Variants in PTPRF observed in about 807,000 individuals in gnomAD.
The protein encoded by PTPRF is protein tyrosine phosphatase receptor type F.
PTPRF carries 59 observed loss-of-function variants against 201.8 expected under a neutral mutation model. The ratio of observed to expected loss-of-function variants is 0.29; its 90% CI spans 0.24 to 0.36. PTPRF has a LOEUF of 0.36. Among genes scored for constraint, PTPRF ranks in the 10% least tolerant of loss-of-function variants. The pLI is 1.00. For missense variants in PTPRF, 2,132 were observed against 2,690.5 expected (o/e 0.79, Z 4.59); for synonymous variants, 1,088 against 1,089.7 (o/e 1.00, Z 0.03).
At chr1:43,613,078 G>A in intron 22 of PTPRF, 1 of 354,160 alleles carries the variant, frequency 2.8e-6, no homozygotes, top group South Asian at 2.2e-5. Context: ...CCTTCTGCGT[G>A]CCTCTACCTC....
rs138867918 is a variant in PTPRF, at chr1:43,560,393, A to G, written c.379+6452A>G. 2.4e-3 allele frequency among the ~76,000 whole-genome samples: 361 copies of G among 150,888 alleles called. 2 individuals are homozygous for G. The highest frequency in any genetic ancestry group is 7.9e-3 in the African/African-American group (323 of 41,042). On this transcript the variant is annotated intron_variant, in intron 5 of 33. Coordinates refer to ENST00000359947, the MANE Select transcript of PTPRF (RefSeq NM_002840.5). Reference sequence around the variant, plus strand: ...TAGTGTATGTGTGTTGATGTCAGACAATGCATGTGCATGTGTGTGGAGTGC... The same window carrying G: ...TAGTGTATGTGTGTTGATGTCAGACGATGCATGTGCATGTGTGTGGAGTGC...
chr1:43,540,596 A>T (rs1337142289), intron 2 of PTPRF, among the ~76,000 whole-genome samples: 2 of 151,870 alleles, frequency 1.3e-5, no homozygotes, highest in Non-Finnish European at 2.9e-5. Flanking sequence ...TCTCCTGCTG[A>T]CCCTTTGCCG....
At chr1:43,532,839 C>T (rs1643733017) in intron 1 of PTPRF, among the ~76,000 whole-genome samples, 1 of 152,040 alleles carries the variant, frequency 6.6e-6, no homozygotes, top group African/African-American at 2.4e-5. Flanking sequence ...CTTTCTCGTA[C>T]CCTCTTGCCT....
At chr1:43,618,489 G>C (rs1353004917) in intron 25 of PTPRF, 141 bp from the exon 26 acceptor site, 2 of 1,001,460 alleles carry the variant, frequency 2.0e-6, no homozygotes, top group Non-Finnish European at 2.9e-6. Flanking sequence ...GGAGGACAGG[G>C]GGCAATGGAT....
At chr1:43,570,880 G>A (rs973743627) in intron 6 of PTPRF, among the ~76,000 whole-genome samples, 3 of 152,238 alleles carry the variant, frequency 2.0e-5, no homozygotes, top group Admixed American at 6.5e-5. Context: ...GGCAGCAAAC[G>A]GCCGGCAGTG....
Position 43,618,387 on chromosome 1 carries a change from T to C in PTPRF, c.4372-243T>C, listed in dbSNP as rs557701495. On this transcript the variant is annotated intron_variant, in intron 25 of 33. Coordinates refer to ENST00000359947, the MANE Select transcript of PTPRF (RefSeq NM_002840.5). ...TTGGCAGAAAATGTGCCTGGTGCGA[T>C]CTGGCGTTGAATAAATAATTTTCAA... Among the ~76,000 whole-genome samples the C allele has an allele frequency of 8.8e-4, 134 of 152,318 alleles. 3 individuals are homozygous for C. In the South Asian group the frequency reaches 0.027, roughly 31 times the overall value.
chr1:43,609,138 C>G (rs917822797), intron 21 of PTPRF, among the ~76,000 whole-genome samples: 1 of 152,202 alleles, frequency 6.6e-6, no homozygotes, highest in African/African-American at 2.4e-5. Context: ...ACCCCTTCCT[C>G]CCTGCTGCAC....
In PTPRF at chr1:43,618,774, C is replaced by T. The variant is rs74952533; in HGVS notation, c.4491+25C>T. The stretch of plus-strand genomic sequence containing the variant: ...GGTATAGCCTTTCCCCAGTGCATAT[C>T]TCTTACCCAGACACTGTAAGGACAG... On this transcript the variant is annotated intron_variant, in intron 26 of 33. Transcript: ENST00000359947. 4.2e-4 allele frequency: 661 copies of T among 1,587,162 alleles called. 2 individuals carry two copies. The African/African-American group carries it at 7.9e-3, about 19-fold the overall frequency.
At chr1:43,586,272 C>T (rs1364844552) in intron 7 of PTPRF, among the ~76,000 whole-genome samples, 1 of 152,228 alleles carries the variant, frequency 6.6e-6, no homozygotes, top group Non-Finnish European at 1.5e-5. Flanking sequence ...TTCATTAAGG[C>T]TGCTCCTCTG....
At chr1:43,559,224 C>T (rs957201653) in intron 5 of PTPRF, among the ~76,000 whole-genome samples, 10 of 151,984 alleles carry the variant, frequency 6.6e-5, no homozygotes, top group East Asian at 5.8e-4. Context: ...GCGCACAGAA[C>T]GGGGTGTGCA....
chr1:43,585,222 G>A (rs1414531846), intron 7 of PTPRF, among the ~76,000 whole-genome samples: 1 of 152,172 alleles, frequency 6.6e-6, no homozygotes, highest in Non-Finnish European at 1.5e-5. Context: ...GCAGTGGGTG[G>A]AGGATGGTTG....
chr1:43,620,402 C>T (rs1658921405), intron 30 of PTPRF, 52 bp from the exon 31 acceptor site: 1 of 1,559,752 alleles, frequency 6.4e-7, no homozygotes, highest in Non-Finnish European at 8.8e-7. Context: ...GCCTGGCACC[C>T]CTCCCCTATT....
intron 3 of PTPRF, among the ~76,000 whole-genome samples, chr1:43,548,888 A>G (rs993775312): frequency 1.3e-5 from 2 of 152,200 alleles, no homozygotes; most frequent in African/African-American, 4.8e-5. Context: ...CAGTCTCTCC[A>G]TAGAAGAGCC....
chr1:43,607,774 C>T (rs1655489079), intron 21 of PTPRF, among the ~76,000 whole-genome samples: 1 of 152,208 alleles, frequency 6.6e-6, no homozygotes, highest in Non-Finnish European at 1.5e-5. Context: ...CTCCCCCTGC[C>T]CACTTGGCAA....
chr1:43,569,483 G>T, intron 5 of PTPRF, 107 bp from the exon 6 acceptor site: 3 of 1,085,506 alleles, frequency 2.8e-6, no homozygotes, highest in Non-Finnish European at 4.0e-6. Flanking sequence ...AAGGGGAGGG[G>T]AGTCTTGAGG....
intron 8 of PTPRF, 85 bp from the exon 9 acceptor site, chr1:43,590,887 G>C: frequency 2.3e-6 from 3 of 1,279,330 alleles, no homozygotes; most frequent in South Asian, 1.4e-5. Context: ...GACCCCACCA[G>C]ATATCCTGGA....
intron 11 of PTPRF, among the ~76,000 whole-genome samples, chr1:43,595,227 T>C (rs192140718): frequency 1.3e-5 from 2 of 152,330 alleles, no homozygotes; most frequent in Non-Finnish European, 2.9e-5. Flanking sequence ...TTTTGTTTTT[T>C]TGAGACAAAG....
At chr1:43,550,127 C>T (rs1644927192) in intron 3 of PTPRF, among the ~76,000 whole-genome samples, 1 of 138,242 alleles carries the variant, frequency 7.2e-6, no homozygotes, top group African/African-American at 2.6e-5. Flanking sequence ...CCCGGGCTGC[C>T]TTGGGCCAGC....
Position 43,591,378 on chromosome 1 carries a change from T to C in PTPRF, c.1356T>C (p.Thr452=), listed in dbSNP as rs1260186250. 1 of 1,557,034 alleles carries C rather than the reference T, an allele frequency of 6.4e-7. No individual in the cohort carries two copies. Among genetic ancestry groups the C allele is most frequent in the Non-Finnish European group, 8.7e-7 (1 of 1,151,888 alleles). ...GLVRGYRVYY[T]PDSRRPPNAW... ...TGCGGGGATACCGCGTCTACTATAC[T>C]CCGGACTCCCGCCGCCCCCCGAACG... Residue 452 remains threonine, a synonymous_variant, in exon 9 of 34, where the codon ACT becomes ACC. Coordinates refer to ENST00000359947, the MANE Select transcript of PTPRF (RefSeq NM_002840.5).
Sources: gnomAD v4.1 joint callset for allele counts (sites outside exome capture counted in the v4.1 genomes callset) on GRCh38, gnomAD v4.1.1 for gene constraint, MANE v1.5 for transcripts, NCBI Gene and HGNC (gene_info 2026-07-23, HGNC 2026-07-21) for gene names.